Variants in MPP7 observed in about 807,000 individuals in gnomAD.
MPP7 encodes the protein MAGUK p55 subfamily member 7.
A neutral mutation model predicts 76.5 loss-of-function variants in MPP7; 60 were observed. The observed-to-expected ratio is 0.78, with a 90% CI of 0.64 to 0.97. The LOEUF (loss-of-function observed/expected upper bound fraction) is 0.97, where lower values mean the gene tolerates loss of function less well. MPP7 is among the 50% of genes least tolerant of loss of function. The pLI is 0.00. For synonymous variants in MPP7, 237 were observed against 244.5 expected (o/e 0.97, Z 0.29); for missense variants, 641 against 694.0 (o/e 0.92, Z 0.86).
At chr10:28,295,757 G>A (rs946512160) in intron 1 of MPP7, among the ~76,000 whole-genome samples, 3 of 152,234 alleles carry the variant, frequency 2.0e-5, no homozygotes, top group Admixed American at 6.5e-5. Flanking sequence ...TGCCGTGTAC[G>A]GCATCCTACC....
At chr10:28,244,107 C>G (rs573180991) in intron 1 of MPP7, among the ~76,000 whole-genome samples, 1 of 152,240 alleles carries the variant, frequency 6.6e-6, no homozygotes, top group Non-Finnish European at 1.5e-5. Context: ...ACAATAGGTA[C>G]ATGAGTATGA....
intron 1 of MPP7, among the ~76,000 whole-genome samples, chr10:28,290,832 A>C (rs968797817): frequency 6.6e-6 from 1 of 152,208 alleles, no homozygotes; most frequent in Non-Finnish European, 1.5e-5. Flanking sequence ...CACGTGAAAG[A>C]AGTAACTCAC....
intron 2 of MPP7, among the ~76,000 whole-genome samples, chr10:28,320,134 G>A (rs549411647): frequency 9.9e-5 from 15 of 152,154 alleles, no homozygotes; most frequent in Non-Finnish European, 2.1e-4. Flanking sequence ...GAGAAGATAC[G>A]TGTGAGAGAT....
chr10:28,055,626 A>G (rs908286261), intron 16 of MPP7, among the ~76,000 whole-genome samples: 8 of 152,208 alleles, frequency 5.3e-5, no homozygotes, highest in Admixed American at 1.3e-4. Context: ...TTATTGCTGA[A>G]TAATATTGGT....
intron 2 of MPP7, among the ~76,000 whole-genome samples, chr10:28,314,551 G>A (rs954271044): frequency 2.0e-5 from 3 of 152,196 alleles, no homozygotes; most frequent in Non-Finnish European, 2.9e-5. Flanking sequence ...AAGTCCAAAC[G>A]ATTTTGAGAA....
intron 3 of MPP7, 21 bp from the exon 4 acceptor site, chr10:28,150,080 T>C: frequency 6.3e-7 from 1 of 1,575,850 alleles, no homozygotes; most frequent in Non-Finnish European, 8.7e-7. Flanking sequence ...ATCAAATGCA[T>C]ATAAGTTCAC....
At chr10:28,108,536 A>G (rs959609344) in intron 11 of MPP7, among the ~76,000 whole-genome samples, 7 of 152,046 alleles carry the variant, frequency 4.6e-5, no homozygotes, top group Non-Finnish European at 1.0e-4. Context: ...GCAGGCCTGT[A>G]GTCCAAGCTA....
At chr10:28,158,495 A>G (rs1343996423) in intron 3 of MPP7, among the ~76,000 whole-genome samples, 1 of 152,200 alleles carries the variant, frequency 6.6e-6, no homozygotes, top group African/African-American at 2.4e-5. Context: ...AATCCCTCAT[A>G]GAGAACAGGG....
intron 1 of MPP7, among the ~76,000 whole-genome samples, chr10:28,334,055 G>A (rs1025648345): frequency 6.6e-6 from 1 of 152,094 alleles, no homozygotes; most frequent in South Asian, 2.1e-4. Flanking sequence ...GAAAAAATTA[G>A]CCAGGCATTG....
At chr10:28,176,932 T>C (rs1434449261) in intron 3 of MPP7, among the ~76,000 whole-genome samples, 1 of 148,786 alleles carries the variant, frequency 6.7e-6, no homozygotes, top group Non-Finnish European at 1.5e-5. Flanking sequence ...ATGTAAATGA[T>C]GAGTTAATGG....
In MPP7 at chr10:28,056,291, G is replaced by A. The variant is rs549139586; in HGVS notation, c.1551+189C>T. Among the ~76,000 whole-genome samples, 7 of 152,264 alleles carry A rather than the reference G, an allele frequency of 4.6e-5. No individual in the cohort carries two copies. The East Asian group carries it at 1.4e-3, about 30-fold the overall frequency. ...TCCCACCTCCGCCTCCCAAGTAGCT[G>A]GGACTACAGGTGTCCAACCATCATG... On this transcript the variant is annotated intron_variant, in intron 16 of 16. Coordinates refer to ENST00000683449, the MANE Select transcript of MPP7 (RefSeq NM_001318170.2).
chr10:28,114,426 C>G (rs1197136171), intron 11 of MPP7, among the ~76,000 whole-genome samples: 2 of 144,712 alleles, frequency 1.4e-5, no homozygotes, highest in Non-Finnish European at 3.1e-5. Flanking sequence ...AAAGGAAAAC[C>G]TTTTTTTTTT....
In MPP7 at chr10:28,240,614, A is replaced by T. The variant is rs545147538; in HGVS notation, c.-131-1879T>A. 2.5e-4 allele frequency among the ~76,000 whole-genome samples: 38 copies of T among 152,290 alleles called. 1 individual carries two copies. Among genetic ancestry groups the T allele is most frequent in the Middle Eastern group, 6.8e-3 (2 of 294 alleles). ...AATATAGCTGACTAAGCTAAAAATTAAAAATGTGAGGCAAGATTTCACTAA... is the reference window on the plus strand; with the variant it reads ...AATATAGCTGACTAAGCTAAAAATTTAAAATGTGAGGCAAGATTTCACTAA... On this transcript the variant is annotated intron_variant, in intron 1 of 16. Transcript: ENST00000683449.
At chr10:28,294,790 C>T (rs1841002124) in intron 1 of MPP7, among the ~76,000 whole-genome samples, 1 of 152,148 alleles carries the variant, frequency 6.6e-6, no homozygotes, top group Admixed American at 6.6e-5. Context: ...GGCCCTGTTC[C>T]CTGAGCTTCT....
intron 3 of MPP7, among the ~76,000 whole-genome samples, chr10:28,153,022 G>C (rs1371941428): frequency 1.3e-5 from 2 of 152,140 alleles, no homozygotes; most frequent in Non-Finnish European, 2.9e-5. Flanking sequence ...AGGAGGCCAA[G>C]GTGGGCAGAT....
upstream of MPP7, among the ~76,000 whole-genome samples, chr10:28,305,205 G>T (rs1314207107): frequency 6.6e-6 from 1 of 152,214 alleles, no homozygotes; most frequent in Non-Finnish European, 1.5e-5. Flanking sequence ...GAAAAGTGAT[G>T]TATAGCAGGA....
chr10:28,332,769 C>T (rs1834483204), intron 1 of MPP7, among the ~76,000 whole-genome samples: 1 of 152,104 alleles, frequency 6.6e-6, no homozygotes, highest in South Asian at 2.1e-4. Context: ...TCAAGCAATC[C>T]TCCCACCTCA....
intron 2 of MPP7, among the ~76,000 whole-genome samples, chr10:28,229,905 A>G (rs1040749903): frequency 1.3e-5 from 2 of 151,988 alleles, no homozygotes; most frequent in Admixed American, 6.5e-5. Flanking sequence ...AAAAAACAAA[A>G]ACAAAAAGAA....
chr10:28,289,447 C>G (rs923799541), intron 1 of MPP7: 12 of 152,316 alleles, frequency 7.9e-5, no homozygotes, highest in Admixed American at 5.2e-4. Context: ...AAATCTCTGC[C>G]TTTTTAACAG....
Sources: gnomAD v4.1 joint callset for allele counts (sites outside exome capture counted in the v4.1 genomes callset) on GRCh38, gnomAD v4.1.1 for gene constraint, MANE v1.5 for transcripts, NCBI Gene and HGNC (gene_info 2026-07-23, HGNC 2026-07-21) for gene names.